TEAD2: variants seen among roughly 807,000 people sequenced by gnomAD.
The protein encoded by TEAD2 is TEA domain transcription factor 2.
Under a neutral mutation model 61.4 loss-of-function variants are expected in TEAD2, and 51 were observed. The observed-to-expected ratio is 0.83, with a 90% CI of 0.66 to 1.05. The LOEUF is 1.05. TEAD2 is among the 50% of genes least tolerant of loss of function. The pLI, the probability that TEAD2 is intolerant of heterozygous loss-of-function variation, is 0.00. For synonymous variants in TEAD2, 244 were observed against 243.2 expected (o/e 1.00, Z -0.03); for missense variants, 509 against 600.0 (o/e 0.85, Z 1.58).
Position 49,341,378 on chromosome 19 carries a change from G to A in TEAD2, c.1302C>T (p.Val434=), listed in dbSNP as rs1474150814. 4 of 1,614,004 alleles carry A rather than the reference G, an allele frequency of 2.5e-6. No individual in the cohort carries two copies. The highest frequency in any genetic ancestry group is 3.4e-6 in the Non-Finnish European group (4 of 1,179,988). Residue 434 remains valine, a synonymous_variant, in exon 13 of 13, where the codon GTC becomes GTT. Transcript: ENST00000593945. This position sits in a 1 kb window ranked among gnomAD's most constrained non-coding sequence, Gnocchi z 4.2. The part of the protein sequence containing the change: ...LLLCTAYVFE[V]STSERGAQHH... ...GCTGGGCCCCACGCTCGCTGGTGGAGACCTCGAAGACATAGGCGGTGCAGA... is the reference window on the plus strand; with the variant it reads ...GCTGGGCCCCACGCTCGCTGGTGGAAACCTCGAAGACATAGGCGGTGCAGA...
chr19:49,346,498 T>C (rs914020218), intron 10 of TEAD2, among the ~76,000 whole-genome samples: 13 of 151,612 alleles, frequency 8.6e-5, no homozygotes, highest in Non-Finnish European at 5.9e-5. Context: ...CTGTACTAAA[T>C]ATACAAAAAT....
chr19:49,353,253 C>T (rs1972139621), intron 7 of TEAD2, among the ~76,000 whole-genome samples: 1 of 152,058 alleles, frequency 6.6e-6, no homozygotes, highest in African/African-American at 2.4e-5. Context: ...CGCACATCAC[C>T]ATGCCTGGCT....
rs960178460 is a variant in TEAD2 at position 49,341,063 on chromosome 19, C to T, written c.*261G>A. Reference sequence around the variant, plus strand: ...TCCTGTCCCCACAATCCCTGATACTCCGGAGTGATCTGTCCTTTCAGACAC... The same window carrying T: ...TCCTGTCCCCACAATCCCTGATACTTCGGAGTGATCTGTCCTTTCAGACAC... On this transcript the variant is annotated 3_prime_UTR_variant, in exon 13 of 13. Transcript: ENST00000593945. The surrounding 1 kb of genome is among the most constrained non-coding windows in gnomAD (Gnocchi z 4.2). 1.2e-5 allele frequency: 5 copies of T among 424,254 alleles called. No homozygotes were observed. Among genetic ancestry groups the T allele is most frequent in the Non-Finnish European group, 1.7e-5 (4 of 229,628 alleles). The allele number at this position is 424,254 out of a possible 1,614,324, so 26.3% of individuals were successfully genotyped here. A position where few individuals can be genotyped will look rare whatever the true frequency, so the allele number is the denominator to read the frequency against.
At chr19:49,350,482 C>T (rs1489704111) in intron 8 of TEAD2, among the ~76,000 whole-genome samples, 1 of 151,850 alleles carries the variant, frequency 6.6e-6, no homozygotes, top group Admixed American at 6.6e-5. Flanking sequence ...ACTGCTACCA[C>T]GCCTGGCTAA....
chr19:49,356,120 G>A, intron 4 of TEAD2, 150 bp from the exon 5 acceptor site: 1 of 540,062 alleles, frequency 1.9e-6, no homozygotes, highest in Admixed American at 4.4e-5. Flanking sequence ...TGCGCAACAG[G>A]AAGTGGAGGT....
At chr19:49,360,226 G>A in intron 1 of TEAD2, 145 bp from the exon 2 acceptor site, 1 of 658,326 alleles carries the variant, frequency 1.5e-6, no homozygotes, top group Non-Finnish European at 2.6e-6. Context: ...AAGAGGAGCT[G>A]GGGGGTATTC....
intron 10 of TEAD2, 106 bp downstream of exon 10, chr19:49,347,084 C>A (rs1361530661): frequency 2.7e-6 from 4 of 1,456,656 alleles, no homozygotes; most frequent in Non-Finnish European, 3.7e-6. Context: ...CTGGTAAGTC[C>A]CAGGCTGACC....
At position 49,347,273 on chromosome 19, in the gene TEAD2, C is replaced by T; in HGVS notation, c.838G>A (p.Asp280Asn). Residue 280 changes from aspartate to asparagine, a missense_variant, in exon 10 of 13, where the codon GAC (aspartate) becomes AAC (asparagine). Physicochemically the swap from Asp to Asn is conservative, Grantham distance 23. Coordinates refer to ENST00000593945, the MANE Select transcript of TEAD2 (RefSeq NM_001256660.2). ...LESVDVRQIY[D>N]KFPEKKGGLR... ...CCACCCTTTTTCTCAGGGAATTTGTCGTAGATCTGCCGGACGTCCACACTC... is the reference window on the plus strand; with the variant it reads ...CCACCCTTTTTCTCAGGGAATTTGTTGTAGATCTGCCGGACGTCCACACTC... The T allele has an allele frequency of 2.5e-6, 4 of 1,613,990 alleles. No homozygotes were observed. The highest frequency in any genetic ancestry group is 3.4e-6 in the Non-Finnish European group (4 of 1,180,000).
At chr19:49,355,617 A>G (rs1327339202) in intron 5 of TEAD2, among the ~76,000 whole-genome samples, 198 bp from the exon 6 acceptor site, 4 of 152,146 alleles carry the variant, frequency 2.6e-5, no homozygotes, top group African/African-American at 9.7e-5. Context: ...ACTTGAGGTC[A>G]GGAGTTCAGT....
At chr19:49,352,908 A>C (rs527793483) in intron 7 of TEAD2, among the ~76,000 whole-genome samples, 1 of 152,036 alleles carries the variant, frequency 6.6e-6, no homozygotes, top group Admixed American at 6.6e-5. Context: ...CAAATATATG[A>C]AGCTCCGTGA....
chr19:49,360,114 CA>C, intron 1 of TEAD2, 33 bp from the exon 2 acceptor site: 1 of 1,547,576 alleles, frequency 6.5e-7, no homozygotes, highest in Non-Finnish European at 8.8e-7. Context: ...AAGCTTCCCC[CA>C]AACCCCACCC....
At chr19:49,356,059 A>T in intron 4 of TEAD2, 89 bp from the exon 5 acceptor site, 1 of 1,045,310 alleles carries the variant, frequency 9.6e-7, no homozygotes, top group Non-Finnish European at 1.2e-6. Context: ...TCCCTGCCCT[A>T]CCCGCCCGCA....
intron 7 of TEAD2, among the ~76,000 whole-genome samples, chr19:49,352,704 A>G (rs988299069): frequency 4.0e-5 from 6 of 151,830 alleles, no homozygotes; most frequent in Non-Finnish European, 8.8e-5. Flanking sequence ...ACACCCAGCT[A>G]ATTTTGTATT....
chr19:49,360,165 A>T (rs1450125936), intron 1 of TEAD2, 84 bp from the exon 2 acceptor site: 1 of 1,131,858 alleles, frequency 8.8e-7, no homozygotes, highest in African/African-American at 1.5e-5. Flanking sequence ...ACTCTGGACC[A>T]CTGGGTCTGA....
At chr19:49,349,595 G>C (rs574154681) in intron 8 of TEAD2, among the ~76,000 whole-genome samples, 88 of 152,134 alleles carry the variant, frequency 5.8e-4, no homozygotes, top group African/African-American at 2.1e-3. Context: ...CTCACTCTTT[G>C]AGTTGATGTG....
chr19:49,352,584 C>T (rs780685190), intron 7 of TEAD2, among the ~76,000 whole-genome samples: 19 of 152,112 alleles, frequency 1.2e-4, no homozygotes, highest in Non-Finnish European at 2.6e-4. Flanking sequence ...TTGCCCAGGC[C>T]GGACTGCAAT....
intron 3 of TEAD2, 89 bp from the exon 4 acceptor site, chr19:49,357,403 G>T: frequency 7.5e-7 from 1 of 1,336,112 alleles, no homozygotes; most frequent in Non-Finnish European, 1.1e-6. Flanking sequence ...GCCTCACTGA[G>T]CTGCTGGACC....
At chr19:49,360,225 T>C in intron 1 of TEAD2, 144 bp from the exon 2 acceptor site, 1 of 654,384 alleles carries the variant, frequency 1.5e-6, no homozygotes, top group Non-Finnish European at 2.6e-6. Flanking sequence ...GAAGAGGAGC[T>C]GGGGGGTATT....
At chr19:49,342,395 T>C in intron 12 of TEAD2, 43 bp downstream of exon 12, 1 of 1,605,268 alleles carries the variant, frequency 6.2e-7, no homozygotes, top group East Asian at 2.2e-5. Context: ...GTACTGTCCC[T>C]CCACACTGGG....
Sources: allele counts gnomAD v4.1 joint callset (sites outside exome capture counted in the v4.1 genomes callset), GRCh38; gene constraint gnomAD v4.1.1; non-coding constraint Gnocchi (gnomAD v3.1); transcripts MANE v1.5; gene names NCBI Gene and HGNC (gene_info 2026-07-23, HGNC 2026-07-21).